The following GPR155 variants were observed in gnomAD, a reference collection of about 807,000 sequenced individuals.
GPR155 encodes lysosomal cholesterol signaling protein.
GPR155 carries 65 observed loss-of-function variants against 93.1 expected under a neutral mutation model. The ratio of observed to expected loss-of-function variants is 0.70; its 90% CI spans 0.57 to 0.86. The LOEUF is 0.86. Among genes scored for constraint, GPR155 ranks in the 40% least tolerant of loss-of-function variants. GPR155 has a pLI of 0.00. For synonymous variants in GPR155, 319 were observed against 360.1 expected, an observed-to-expected ratio of 0.89 and a Z score of 1.29; for missense variants, 838 against 1,034.8, an observed-to-expected ratio of 0.81 and a Z score of 2.61.
chr2:174,479,729 G>T (rs1194358010), intron 2 of GPR155, among the ~76,000 whole-genome samples: 1 of 152,082 alleles, frequency 6.6e-6, no homozygotes, highest in Non-Finnish European at 1.5e-5. Flanking sequence ...TCAGTTCTAA[G>T]GTCCTTATAC....
chr2:174,472,857 G>C, intron 3 of GPR155, 108 bp downstream of exon 3: 2 of 789,980 alleles, frequency 2.5e-6, no homozygotes, highest in Non-Finnish European at 4.1e-6. Flanking sequence ...CTACAAGGAG[G>C]GGTTATTAAT....
chr2:174,451,147 T>C (rs893069002), intron 11 of GPR155, among the ~76,000 whole-genome samples: 2 of 151,774 alleles, frequency 1.3e-5, no homozygotes, highest in Non-Finnish European at 2.9e-5. Context: ...CCGTCTCTAC[T>C]AAAAATACAA....
chr2:174,449,704 G>A (rs559558291), intron 11 of GPR155, among the ~76,000 whole-genome samples: 2 of 152,252 alleles, frequency 1.3e-5, no homozygotes, highest in South Asian at 2.1e-4. Flanking sequence ...GTCCGGATGC[G>A]GTGGCTCACG....
chr2:174,458,231 T>C (rs1687577454), intron 10 of GPR155, among the ~76,000 whole-genome samples: 1 of 152,208 alleles, frequency 6.6e-6, no homozygotes, highest in Non-Finnish European at 1.5e-5. Context: ...TCTCTTATTC[T>C]TCACTCAGTC....
chr2:174,441,917 A>T (rs1036288578), intron 14 of GPR155, among the ~76,000 whole-genome samples: 2 of 146,604 alleles, frequency 1.4e-5, no homozygotes, highest in Non-Finnish European at 3.0e-5. Context: ...TAATTTTTGT[A>T]TTTTTTTTTT....
At chr2:174,478,109 A>C (rs943234994) in intron 2 of GPR155, among the ~76,000 whole-genome samples, 6 of 152,276 alleles carry the variant, frequency 3.9e-5, no homozygotes, top group African/African-American at 7.2e-5. Flanking sequence ...TTTTAATGAC[A>C]GGCAGGGAAC....
At chr2:174,446,049 G>A (rs766667704) in intron 12 of GPR155, among the ~76,000 whole-genome samples, 1 of 151,990 alleles carries the variant, frequency 6.6e-6, no homozygotes, top group Non-Finnish European at 1.5e-5. Context: ...GCTCACGCCT[G>A]TAATTCCAGC....
At chr2:174,465,697 C>T in intron 7 of GPR155, 88 bp downstream of exon 7, 1 of 697,806 alleles carries the variant, frequency 1.4e-6, no homozygotes, top group South Asian at 1.8e-5. Context: ...TACTACCAGA[C>T]TTCAAATAGA....
chr2:174,431,990 T>TATCA lies in GPR155; in HGVS notation c.*4122_*4125dup, dbSNP rs1402561224. On this transcript the variant is annotated 3_prime_UTR_variant, in exon 16 of 16. Transcript: ENST00000392552. Reference sequence around the variant, plus strand: ...AAGAGATAGGTTTTAATCAAAATTTTATCATTTTTCTAGCTGTCACTCTAC... The same window carrying TATCA: ...AAGAGATAGGTTTTAATCAAAATTTTATCAATCATTTTTCTAGCTGTCACTCTAC... 1 of 152,214 alleles carries TATCA rather than the reference T, an allele frequency of 6.6e-6. No individual in the cohort carries two copies. Among genetic ancestry groups the TATCA allele is most frequent in the Non-Finnish European group, 1.5e-5 (1 of 68,036 alleles). 9.4% of individuals were successfully genotyped at this position (152,214 alleles called of 1,614,324 possible).
chr2:174,465,146 G>A (rs1015474515), intron 7 of GPR155, among the ~76,000 whole-genome samples: 1 of 152,168 alleles, frequency 6.6e-6, no homozygotes, highest in Non-Finnish European at 1.5e-5. Flanking sequence ...GCTGAAATGA[G>A]AAACAGTCTT....
At chr2:174,477,976 G>T (rs140936985) in intron 2 of GPR155, among the ~76,000 whole-genome samples, 1 of 152,230 alleles carries the variant, frequency 6.6e-6, no homozygotes, top group East Asian at 1.9e-4. Context: ...ATAGTTAAAT[G>T]CTTCATTTCC....
At position 174,453,843 on chromosome 2, in the gene GPR155, T is replaced by C. The variant is rs1303912145; in HGVS notation, c.1772-2A>G. The C allele has an allele frequency of 1.9e-6, 3 of 1,597,202 alleles. No homozygotes were observed. The highest frequency in any genetic ancestry group is 2.6e-6 in the Non-Finnish European group (3 of 1,164,896). On this transcript the variant is annotated splice_acceptor_variant, in intron 10 of 15. Transcript: ENST00000392552. LOFTEE classifies it high-confidence loss of function. ...TTCCCATGGAGCAGGAGCAGCAACC[T>C]ATATCAATCAAATAGTATGTGAGAG...
intron 11 of GPR155, among the ~76,000 whole-genome samples, chr2:174,450,135 A>AAG (rs963061423): frequency 1.1e-4 from 7 of 62,766 alleles, no homozygotes; most frequent in African/African-American, 3.0e-4. Flanking sequence ...TCCTGTCTTG[A>AAG]AAAAAAAAAA....
At chr2:174,451,629 T>C (rs1687323103) in intron 11 of GPR155, among the ~76,000 whole-genome samples, 1 of 152,156 alleles carries the variant, frequency 6.6e-6, no homozygotes, top group Admixed American at 6.5e-5. Context: ...TCCAAGCCCC[T>C]ACAATTTAAG....
At chr2:174,486,471 G>T (rs1006835330) in intron 1 of GPR155, among the ~76,000 whole-genome samples, 1 of 152,194 alleles carries the variant, frequency 6.6e-6, no homozygotes, top group Non-Finnish European at 1.5e-5. Context: ...CCCCAAAAAC[G>T]GGTAAGGGAG....
Position 174,435,324 on chromosome 2 carries a change from T to C in GPR155, c.*792A>G, listed in dbSNP as rs1057254746. 6.6e-6 allele frequency: 1 copy of C among 152,196 alleles called. No homozygotes were observed. The highest frequency in any genetic ancestry group is 1.5e-5 in the Non-Finnish European group (1 of 68,032). The allele number at this position is 152,196 out of a possible 1,614,324, so 9.4% of individuals were successfully genotyped here. Reference sequence around the variant, plus strand: ...GTACAGACTGTTTTTCTTATTGTTATTCCCTAAACAATACAGTATAACAAC... The same window carrying C: ...GTACAGACTGTTTTTCTTATTGTTACTCCCTAAACAATACAGTATAACAAC... On this transcript the variant is annotated 3_prime_UTR_variant, in exon 16 of 16. Transcript: ENST00000392552.
chr2:174,469,149 G>T, intron 4 of GPR155, 82 bp from the exon 5 acceptor site: 2 of 1,185,146 alleles, frequency 1.7e-6, no homozygotes, highest in Non-Finnish European at 2.4e-6. Flanking sequence ...GCACACTAAA[G>T]CATTCTAAAA....
At chr2:174,457,081 G>T (rs971174696) in intron 10 of GPR155, among the ~76,000 whole-genome samples, 1 of 152,168 alleles carries the variant, frequency 6.6e-6, no homozygotes, top group Non-Finnish European at 1.5e-5. Context: ...GGAGGCTGAC[G>T]CAGGCAGATC....
At chr2:174,470,617 G>A (rs770735827) in intron 3 of GPR155, 62 bp from the exon 4 acceptor site, 5 of 1,481,962 alleles carry the variant, frequency 3.4e-6, no homozygotes, top group Non-Finnish European at 4.6e-6. Context: ...CCAGTAGCAG[G>A]CTGCTCTGGT....
Sources: allele counts gnomAD v4.1 joint callset (sites outside exome capture counted in the v4.1 genomes callset), GRCh38; gene constraint gnomAD v4.1.1; transcripts MANE v1.5; gene names NCBI Gene and HGNC (gene_info 2026-07-23, HGNC 2026-07-21).